COL23A1: variants seen among roughly 807,000 people sequenced by gnomAD.
The protein encoded by COL23A1 is collagen type XXIII alpha 1 chain.
A neutral mutation model predicts 99.3 loss-of-function variants in COL23A1; 97 were observed. The ratio of observed to expected loss-of-function variants is 0.98; its 90% CI spans 0.83 to 1.16. The LOEUF (loss-of-function observed/expected upper bound fraction) is 1.16, where lower values mean the gene tolerates loss of function less well. COL23A1 is among the 50% of genes most tolerant of loss of function. COL23A1 has a pLI of 0.00. For synonymous variants in COL23A1, 320 were observed against 308.2 expected, an observed-to-expected ratio of 1.04 and a Z score of -0.40; for missense variants, 762 against 757.4, an observed-to-expected ratio of 1.01 and a Z score of -0.07.
chr5:178,488,198 C>T (rs1310782658), intron 2 of COL23A1, among the ~76,000 whole-genome samples: 2 of 152,150 alleles, frequency 1.3e-5, no homozygotes, highest in Admixed American at 6.5e-5. Flanking sequence ...TGATCTGGTG[C>T]ACTCAGGCCT....
At chr5:178,386,248 G>A (rs1763665402) in intron 2 of COL23A1, among the ~76,000 whole-genome samples, 1 of 152,124 alleles carries the variant, frequency 6.6e-6, no homozygotes, top group Non-Finnish European at 1.5e-5. Flanking sequence ...AGACCAGCCT[G>A]GGCAACACGG....
At chr5:178,319,624 T>C (rs1759177788) in intron 2 of COL23A1, among the ~76,000 whole-genome samples, 1 of 152,192 alleles carries the variant, frequency 6.6e-6, no homozygotes, top group Admixed American at 6.5e-5. Context: ...AGCTGACCCT[T>C]GCAGGCCTTG....
chr5:178,401,994 T>C (rs991143642), intron 2 of COL23A1, among the ~76,000 whole-genome samples: 14 of 152,110 alleles, frequency 9.2e-5, no homozygotes, highest in Admixed American at 3.9e-4. Context: ...TTTTGTATTT[T>C]TAGTAGAGAT....
chr5:178,438,991 AGT>A (rs1268455630), intron 2 of COL23A1: 1 of 152,220 alleles, frequency 6.6e-6, no homozygotes, highest in African/African-American at 2.4e-5. Context: ...TGGAGCTCCC[AGT>A]GTGCACCTGC....
At chr5:178,412,925 TC>T (rs1157702342) in intron 2 of COL23A1, among the ~76,000 whole-genome samples, 2 of 152,138 alleles carry the variant, frequency 1.3e-5, no homozygotes, top group East Asian at 3.9e-4. Flanking sequence ...TTTCCAGTCT[TC>T]ACCCAAGAAT....
At chr5:178,321,777 C>T (rs1423116006) in intron 2 of COL23A1, among the ~76,000 whole-genome samples, 1 of 151,846 alleles carries the variant, frequency 6.6e-6, no homozygotes, top group East Asian at 1.9e-4. Flanking sequence ...GCGTGAGCCA[C>T]CGCGCCCGGC....
At chr5:178,531,633 G>A (rs1471954930) in intron 2 of COL23A1, among the ~76,000 whole-genome samples, 1 of 152,178 alleles carries the variant, frequency 6.6e-6, no homozygotes, top group Non-Finnish European at 1.5e-5. Flanking sequence ...AAGCCCAACG[G>A]ATAGGATGGC....
intron 20 of COL23A1, among the ~76,000 whole-genome samples, 154 bp downstream of exon 20, chr5:178,248,036 ACT>A (rs1352992622): frequency 2.0e-5 from 3 of 151,790 alleles, no homozygotes; most frequent in African/African-American, 7.3e-5. Context: ...ACATGGTGAG[ACT>A]CTGTTCTCAG....
intron 1 of COL23A1, among the ~76,000 whole-genome samples, chr5:178,588,543 T>A (rs1340767713): frequency 6.6e-6 from 1 of 152,242 alleles, no homozygotes; most frequent in Non-Finnish European, 1.5e-5. Context: ...GCGGCAATTA[T>A]GAAACCATCG....
At chr5:178,358,733 A>G (rs533514186) in intron 2 of COL23A1, among the ~76,000 whole-genome samples, 16 of 122,124 alleles carry the variant, frequency 1.3e-4, no homozygotes, top group African/African-American at 4.2e-4. Context: ...GTATGTGTGT[A>G]TGTGTATCTG....
intron 17 of COL23A1, among the ~76,000 whole-genome samples, chr5:178,251,918 T>C (rs1283043400): frequency 7.5e-6 from 1 of 133,856 alleles, no homozygotes; most frequent in Non-Finnish European, 1.7e-5. Flanking sequence ...TCTTTTTTTT[T>C]TTTTTTTATT....
chr5:178,589,653 C>A lies in COL23A1; in HGVS notation c.294+251G>T, dbSNP rs529789552. Among the ~76,000 whole-genome samples, 1 of 152,110 alleles carries A rather than the reference C, an allele frequency of 6.6e-6. No homozygotes were observed. The highest frequency in any genetic ancestry group is 2.4e-5 in the African/African-American group (1 of 41,444). ...ACTCCAAAGTCCCTGGTCTCTCCTT[C>A]CCCTTTCTCGCGGCCGCCTGCCTGG... On this transcript the variant is annotated intron_variant, in intron 1 of 28. Transcript: ENST00000390654. The surrounding 1 kb of genome is among the most constrained non-coding windows in gnomAD (Gnocchi z 5.4).
Position 178,247,549 on chromosome 5 carries a change from G to A in COL23A1, c.1273C>T (p.Leu425Phe). The A allele has an allele frequency of 6.2e-7, 1 of 1,614,108 alleles. No homozygotes were observed. Among genetic ancestry groups the A allele is most frequent in the Non-Finnish European group, 8.5e-7 (1 of 1,179,958 alleles). ...GPPGPPGPMG[L>F]QGIQGPKGLD... ...ACCTTGGGACCCTGGATTCCCTGGAGGCCCTGCAGGAGGAGGAAGCAGATA... is the reference window on the plus strand; with the variant it reads ...ACCTTGGGACCCTGGATTCCCTGGAAGCCCTGCAGGAGGAGGAAGCAGATA... Residue 425 changes from leucine to phenylalanine, a missense_variant, in exon 22 of 29, where the codon CTC (leucine) becomes TTC (phenylalanine). Physicochemically the swap from Leu to Phe is conservative, Grantham distance 22. Coordinates refer to ENST00000390654, the MANE Select transcript of COL23A1 (RefSeq NM_173465.4).
At chr5:178,410,890 A>G (rs928769580) in intron 2 of COL23A1, among the ~76,000 whole-genome samples, 2 of 152,238 alleles carry the variant, frequency 1.3e-5, no homozygotes, top group African/African-American at 4.8e-5. Flanking sequence ...ACTAATAGTA[A>G]TTCAGAACAT....
At chr5:178,583,963 G>A (rs1187463988) in intron 1 of COL23A1, among the ~76,000 whole-genome samples, 1 of 152,130 alleles carries the variant, frequency 6.6e-6, no homozygotes. Flanking sequence ...ACCTGGGCTC[G>A]AGCAATCCTC....
chr5:178,355,404 A>C (rs1291547909), intron 2 of COL23A1, among the ~76,000 whole-genome samples: 1 of 152,222 alleles, frequency 6.6e-6, no homozygotes, highest in Non-Finnish European at 1.5e-5. Flanking sequence ...CGCTATACAG[A>C]TATGGAAACA....
At chr5:178,262,350 A>C in intron 9 of COL23A1, 98 bp from the exon 10 acceptor site, 1 of 1,154,558 alleles carries the variant, frequency 8.7e-7, no homozygotes, top group Admixed American at 2.1e-5. Context: ...CTCTAAGTAC[A>C]TTATCTTATC....
intron 26 of COL23A1, 77 bp downstream of exon 26, chr5:178,242,264 G>A: frequency 1.3e-6 from 2 of 1,530,910 alleles, no homozygotes; most frequent in Non-Finnish European, 1.8e-6. Flanking sequence ...CTCTCTACCT[G>A]CTTCACCTGA....
intron 2 of COL23A1, among the ~76,000 whole-genome samples, chr5:178,457,375 G>A (rs558880832): frequency 6.6e-6 from 1 of 152,110 alleles, no homozygotes; most frequent in East Asian, 1.9e-4. Context: ...CACCACGCCC[G>A]GCTAATTTTT....
Sources: allele counts gnomAD v4.1 joint callset (sites outside exome capture counted in the v4.1 genomes callset), GRCh38; gene constraint gnomAD v4.1.1; non-coding constraint Gnocchi (gnomAD v3.1); transcripts MANE v1.5; gene names NCBI Gene and HGNC (gene_info 2026-07-23, HGNC 2026-07-21).